RANBP2: variants seen among roughly 807,000 people sequenced by gnomAD.
The protein encoded by RANBP2 is RAN binding protein 2, also known as E3 SUMO-protein ligase RanBP2.
RANBP2 carries 57 observed loss-of-function variants against 303.6 expected under a neutral mutation model. The observed-to-expected ratio is 0.19, with a 90% CI of 0.15 to 0.23. RANBP2 has a LOEUF of 0.23. RANBP2 is among the 10% of genes least tolerant of loss of function. RANBP2 has a pLI of 1.00. For synonymous variants in RANBP2, 1,167 were observed against 1,301.5 expected, an observed-to-expected ratio of 0.90 and a Z score of 2.23; for missense variants, 3,138 against 3,780.8, an observed-to-expected ratio of 0.83 and a Z score of 4.46.
the RANBP2 span, among the ~76,000 whole-genome samples, chr2:109,501,276 C>G: frequency 6.6e-6 from 1 of 152,102 alleles, no homozygotes; most frequent in South Asian, 2.1e-4. Flanking sequence ...CTTCGTAGAT[C>G]AGCGTCTAAA....
the RANBP2 span, among the ~76,000 whole-genome samples, chr2:108,880,180 A>G: frequency 4.3e-4 from 41 of 95,170 alleles, no homozygotes; most frequent in African/African-American, 8.6e-4. Flanking sequence ...AAGCTTCCAG[A>G]CAGGGTAACT....
At chr2:108,930,767 AC>A in the RANBP2 span, among the ~76,000 whole-genome samples, 1 of 152,234 alleles carries the variant, frequency 6.6e-6, no homozygotes, top group East Asian at 1.9e-4. Context: ...GAAGGGAGCT[AC>A]CAACGAAATC....
the RANBP2 span, among the ~76,000 whole-genome samples, chr2:108,955,811 G>A: frequency 6.6e-6 from 1 of 152,228 alleles, no homozygotes; most frequent in Admixed American, 6.5e-5. Context: ...CAGACCACAA[G>A]GTCAGGAGAT....
At chr2:108,786,894 C>G, downstream of RANBP2, 2 of 1,552,432 alleles carry the variant, frequency 1.3e-6, no homozygotes, top group Non-Finnish European at 1.7e-6. Flanking sequence ...GCTACGGACT[C>G]GGGGGCAGCT....
chr2:109,217,877 G>C, the RANBP2 span, among the ~76,000 whole-genome samples: 2 of 152,150 alleles, frequency 1.3e-5, no homozygotes, highest in Non-Finnish European at 2.9e-5. Flanking sequence ...GGGGATCTCT[G>C]TTGTGGCCTG....
the RANBP2 span, among the ~76,000 whole-genome samples, chr2:109,060,108 T>C: frequency 1.6e-4 from 24 of 152,254 alleles, no homozygotes; most frequent in Non-Finnish European, 1.2e-4. Context: ...TAGGATACTT[T>C]GCAGTTACAG....
the RANBP2 span, among the ~76,000 whole-genome samples, chr2:108,992,958 T>C: frequency 6.8e-6 from 1 of 146,238 alleles, no homozygotes; most frequent in African/African-American, 2.5e-5. Flanking sequence ...TTTTAAAGTA[T>C]CATCTCAGAG....
the RANBP2 span, among the ~76,000 whole-genome samples, chr2:109,186,110 G>A: frequency 6.6e-6 from 1 of 152,234 alleles, no homozygotes; most frequent in African/African-American, 2.4e-5. Flanking sequence ...TCAGGAGAGG[G>A]CAGGCCCTGT....
At chr2:109,714,582 G>A in the RANBP2 span, among the ~76,000 whole-genome samples, 1 of 151,920 alleles carries the variant, frequency 6.6e-6, no homozygotes, top group Admixed American at 6.6e-5. Context: ...TTACAGACGT[G>A]AGCCACTGTG....
the RANBP2 span, among the ~76,000 whole-genome samples, chr2:109,264,962 AC>A: frequency 6.6e-6 from 1 of 151,998 alleles, no homozygotes; most frequent in Admixed American, 6.6e-5. Context: ...TGGCAGGGGG[AC>A]TAGGGAACAT....
the RANBP2 span, among the ~76,000 whole-genome samples, chr2:109,015,594 C>T: frequency 2.6e-5 from 4 of 151,908 alleles, no homozygotes; most frequent in African/African-American, 9.7e-5. Flanking sequence ...CCTGCCTTTA[C>T]TAAAAATACA....
chr2:108,758,493 C>T lies in RANBP2; in HGVS notation c.2547C>T (p.Asp849=), dbSNP rs1286496104. 1 of 1,611,262 alleles carries T rather than the reference C, an allele frequency of 6.2e-7. No individual in the cohort carries two copies. The highest frequency in any genetic ancestry group is 2.2e-5 in the East Asian group (1 of 44,870). Residue 849 remains aspartate (D), a synonymous_variant, in exon 18 of 29, where the codon GAC becomes GAT. Coordinates refer to ENST00000283195, the MANE Select transcript of RANBP2 (RefSeq NM_006267.5). ...HRWPTENYGP[D]SVPDGYQGSQ... is the part of the protein sequence containing the mutation. Reference sequence around the variant, plus strand: ...GGCCCACAGAGAATTATGGACCAGACTCAGTGCCTGATGGATATCAGGGGT... The same window carrying T: ...GGCCCACAGAGAATTATGGACCAGATTCAGTGCCTGATGGATATCAGGGGT...
At chr2:109,305,736 C>T in the RANBP2 span, among the ~76,000 whole-genome samples, 1 of 152,254 alleles carries the variant, frequency 6.6e-6, no homozygotes, top group East Asian at 1.9e-4. Context: ...GGAGGACGCA[C>T]ATTCCAGGCA....
At chr2:109,313,355 C>A in the RANBP2 span, among the ~76,000 whole-genome samples, 1 of 152,238 alleles carries the variant, frequency 6.6e-6, no homozygotes, top group Non-Finnish European at 1.5e-5. Flanking sequence ...AAATGCAGTT[C>A]AGCCTAATGC....
chr2:109,403,371 C>G, the RANBP2 span, among the ~76,000 whole-genome samples: 1 of 152,220 alleles, frequency 6.6e-6, no homozygotes, highest in Non-Finnish European at 1.5e-5. Flanking sequence ...GTGTGGCCCA[C>G]CTCACCCCAC....
At chr2:109,416,810 T>G in the RANBP2 span, among the ~76,000 whole-genome samples, 5 of 149,852 alleles carry the variant, frequency 3.3e-5, no homozygotes, top group African/African-American at 1.2e-4. Flanking sequence ...GGAGGCTAAG[T>G]CGGGAGAATC....
chr2:109,173,995 C>T, the RANBP2 span, among the ~76,000 whole-genome samples: 976 of 152,304 alleles, frequency 6.4e-3, 8 homozygotes, highest in South Asian at 0.017. Flanking sequence ...GCATTGGTGG[C>T]GGAAAGCACT....
the RANBP2 span, among the ~76,000 whole-genome samples, chr2:109,026,512 C>T: frequency 6.6e-6 from 1 of 152,054 alleles, no homozygotes; most frequent in African/African-American, 2.4e-5. Context: ...CCTCTTCCCT[C>T]TGAAGCAAGG....
the RANBP2 span, among the ~76,000 whole-genome samples, chr2:108,821,053 C>G: frequency 1.3e-5 from 2 of 152,034 alleles, no homozygotes; most frequent in Non-Finnish European, 2.9e-5. Flanking sequence ...GGGGTTAATA[C>G]AACATATAAA....
Sources: gnomAD v4.1 joint callset for allele counts (sites outside exome capture counted in the v4.1 genomes callset) on GRCh38, gnomAD v4.1.1 for gene constraint, MANE v1.5 for transcripts, NCBI Gene and HGNC (gene_info 2026-07-23, HGNC 2026-07-21) for gene names.